Variants in SYN3 observed in about 807,000 individuals in gnomAD.
The protein encoded by SYN3 is synapsin III.
SYN3 carries 35 observed loss-of-function variants against 65.8 expected under a neutral mutation model. The observed-to-expected ratio is 0.53, with a 90% CI of 0.41 to 0.70. SYN3 has a LOEUF of 0.70. Ranked by LOEUF, SYN3 falls within the 30% of genes least tolerant of loss-of-function variation. The pLI is 0.00. For missense variants in SYN3, 680 were observed against 749.0 expected (o/e 0.91, Z 1.08); for synonymous variants, 270 against 292.9 (o/e 0.92, Z 0.80).
chr22:32,586,018 ATATGTATG>A (rs376698310), intron 7 of SYN3, among the ~76,000 whole-genome samples: 39 of 142,024 alleles, frequency 2.7e-4, no homozygotes, highest in Non-Finnish European at 4.5e-5. Flanking sequence ...GTATACGTAT[ATATGTATG>A]TATGTATATA....
At chr22:32,965,424 G>A (rs2051799828) in intron 3 of SYN3, among the ~76,000 whole-genome samples, 1 of 152,022 alleles carries the variant, frequency 6.6e-6, no homozygotes, top group Non-Finnish European at 1.5e-5. Context: ...AGGTATCTGG[G>A]TCCTTGGAGC....
chr22:32,977,179 A>G (rs921696677), intron 3 of SYN3, among the ~76,000 whole-genome samples: 2 of 152,164 alleles, frequency 1.3e-5, no homozygotes, highest in Admixed American at 1.3e-4. Context: ...AATCAGAATG[A>G]CTCTAAATTA....
At chr22:32,826,834 G>A (rs1377590515) in intron 6 of SYN3, among the ~76,000 whole-genome samples, 1 of 152,170 alleles carries the variant, frequency 6.6e-6, no homozygotes, top group Non-Finnish European at 1.5e-5. Context: ...ATTAGGCAGG[G>A]TTTTTGCATT....
chr22:32,996,901 C>T (rs1569391610), intron 2 of SYN3, among the ~76,000 whole-genome samples: 4 of 152,302 alleles, frequency 2.6e-5, no homozygotes, highest in Admixed American at 6.5e-5. Flanking sequence ...GTGAGGTCAC[C>T]GGAATCCTGT....
chr22:32,776,932 T>G (rs2045921418), intron 6 of SYN3, among the ~76,000 whole-genome samples: 1 of 152,050 alleles, frequency 6.6e-6, no homozygotes, highest in East Asian at 1.9e-4. Flanking sequence ...TTTCTAAGCC[T>G]CGAAGTGCCC....
intron 1 of SYN3, among the ~76,000 whole-genome samples, chr22:33,040,439 C>T (rs2053943187): frequency 6.6e-6 from 1 of 152,210 alleles, no homozygotes; most frequent in Admixed American, 6.5e-5. Flanking sequence ...AACTATGCAT[C>T]CACTGCTCTC....
At chr22:32,520,033 A>C (rs2057850902) in intron 12 of SYN3, among the ~76,000 whole-genome samples, 1 of 152,188 alleles carries the variant, frequency 6.6e-6, no homozygotes, top group South Asian at 2.1e-4. Context: ...CTCTAGAGAG[A>C]GCCACATGTA....
Position 32,963,242 on chromosome 22 carries a change from A to ATT in SYN3, c.369+17401_369+17402dup, listed in dbSNP as rs59829876. ...AGGCATGTGCCACCATGCCTGGCTA[A>ATT]TTTTTTTTTTTTTTTTTTTTTTTCA... On this transcript the variant is annotated intron_variant, in intron 3 of 13. Coordinates refer to ENST00000358763, the MANE Select transcript of SYN3 (RefSeq NM_003490.4). Among the ~76,000 whole-genome samples, 103 of 111,808 alleles carry ATT rather than the reference A, an allele frequency of 9.2e-4. 1 individual carries two copies. Among genetic ancestry groups the ATT allele is most frequent in the Middle Eastern group, 5.1e-3 (1 of 198 alleles). 73.4% of individuals were successfully genotyped at this position (111,808 alleles called of 152,430 possible).
At chr22:32,780,850 C>A (rs368834032) in intron 6 of SYN3, among the ~76,000 whole-genome samples, 1 of 151,984 alleles carries the variant, frequency 6.6e-6, no homozygotes, top group Non-Finnish European at 1.5e-5. Context: ...CAGTACCCAG[C>A]GTAATAAGCA....
intron 3 of SYN3, among the ~76,000 whole-genome samples, chr22:32,934,073 G>A (rs1462236028): frequency 2.0e-5 from 3 of 152,144 alleles, no homozygotes; most frequent in Non-Finnish European, 4.4e-5. Flanking sequence ...AGTGGTAATG[G>A]CCTAGTTATT....
intron 6 of SYN3, among the ~76,000 whole-genome samples, chr22:32,689,434 T>C (rs1432879784): frequency 6.6e-6 from 1 of 152,170 alleles, no homozygotes; most frequent in Non-Finnish European, 1.5e-5. Context: ...TGGAGTAAGA[T>C]ACAGGAAGCC....
At chr22:33,023,248 G>T (rs765343024) in intron 1 of SYN3, among the ~76,000 whole-genome samples, 1 of 152,194 alleles carries the variant, frequency 6.6e-6, no homozygotes, top group African/African-American at 2.4e-5. Context: ...CATGTGTCAT[G>T]GGAGGGACCC....
At chr22:32,648,695 A>T in intron 6 of SYN3, among the ~76,000 whole-genome samples, 1 of 152,246 alleles carries the variant, frequency 6.6e-6, no homozygotes, top group East Asian at 1.9e-4. Flanking sequence ...ATTAGCTGTA[A>T]AATGGGAACG....
At chr22:32,979,095 G>T (rs1245165980) in intron 3 of SYN3, among the ~76,000 whole-genome samples, 1 of 151,570 alleles carries the variant, frequency 6.6e-6, no homozygotes, top group Non-Finnish European at 1.5e-5. Flanking sequence ...TACTCAGGAG[G>T]CTGAGGCAGA....
intron 5 of SYN3, among the ~76,000 whole-genome samples, chr22:32,865,268 C>T (rs1601578641): frequency 1.3e-5 from 2 of 152,304 alleles, no homozygotes; most frequent in Non-Finnish European, 2.9e-5. Context: ...ATTTAATGAG[C>T]ACTTACTATA....
chr22:32,591,746 C>T (rs974218668), intron 7 of SYN3, among the ~76,000 whole-genome samples: 7 of 152,296 alleles, frequency 4.6e-5, no homozygotes, highest in South Asian at 2.1e-4. Flanking sequence ...TGGTTACCCA[C>T]GGTCAACTGC....
chr22:32,938,531 GA>G lies in SYN3; in HGVS notation c.370-7051del, dbSNP rs1381175480. ...GGCAACAGAGTGAGACTCTGTCTCAGAAAAAAAAAAAAAAGAAAAAGAAAAA... is the reference window on the plus strand; with the variant it reads ...GGCAACAGAGTGAGACTCTGTCTCAGAAAAAAAAAAAAAGAAAAAGAAAAA... On this transcript the variant is annotated intron_variant, in intron 3 of 13. Coordinates refer to ENST00000358763, the MANE Select transcript of SYN3 (RefSeq NM_003490.4). Among the ~76,000 whole-genome samples the G allele has an allele frequency of 9.8e-3, 706 of 71,970 alleles. 2 individuals carry two copies. The highest frequency in any genetic ancestry group is 0.023 in the African/African-American group (447 of 19,600). The allele number at this position is 71,970 out of a possible 152,430, so 47.2% of individuals were successfully genotyped here.
In SYN3 at chr22:32,807,765, A is replaced by G. The variant is rs573968511; in HGVS notation, c.711+57150T>C. Among the ~76,000 whole-genome samples, 81 of 151,644 alleles carry G rather than the reference A, an allele frequency of 5.3e-4. 1 individual carries two copies. Among genetic ancestry groups the G allele is most frequent in the African/African-American group, 1.9e-3 (79 of 41,390 alleles). Reference sequence around the variant, plus strand: ...CATATCATATTATATATACTACTACATACTCTTATATTATTATAATTATAT... The same window carrying G: ...CATATCATATTATATATACTACTACGTACTCTTATATTATTATAATTATAT... On this transcript the variant is annotated intron_variant, in intron 6 of 13. Coordinates refer to ENST00000358763, the MANE Select transcript of SYN3 (RefSeq NM_003490.4).
intron 4 of SYN3, among the ~76,000 whole-genome samples, chr22:32,920,140 AC>A (rs1179486138): frequency 6.6e-6 from 1 of 152,184 alleles, no homozygotes; most frequent in Non-Finnish European, 1.5e-5. Context: ...GAGCGGATGC[AC>A]ATTATCAGCC....
Sources: gnomAD v4.1 joint callset for allele counts (sites outside exome capture counted in the v4.1 genomes callset) on GRCh38, gnomAD v4.1.1 for gene constraint, MANE v1.5 for transcripts, NCBI Gene and HGNC (gene_info 2026-07-23, HGNC 2026-07-21) for gene names.